RUNX2: variants seen among roughly 807,000 people sequenced by gnomAD.
RUNX2 encodes the protein runt-related transcription factor 2.
A neutral mutation model predicts 51.7 loss-of-function variants in RUNX2; 10 were observed. The observed-to-expected ratio is 0.19, with a 90% CI of 0.12 to 0.33. The LOEUF (loss-of-function observed/expected upper bound fraction) is 0.33. Ranked by LOEUF, RUNX2 falls within the 10% of genes least tolerant of loss-of-function variation. The probability of loss-of-function intolerance (pLI) is 1.00; values close to 1 mark genes in which losing one functional copy is unlikely to be tolerated. For missense variants in RUNX2, 562 were observed against 691.3 expected, an observed-to-expected ratio of 0.81 and a Z score of 2.10; for synonymous variants, 276 against 273.6, an observed-to-expected ratio of 1.01 and a Z score of -0.09.
chr6:45,531,504 C>T (rs1383226057), intron 7 of RUNX2, among the ~76,000 whole-genome samples: 1 of 152,106 alleles, frequency 6.6e-6, no homozygotes, highest in African/African-American at 2.4e-5. Flanking sequence ...CCTGTAATCC[C>T]AGCACTTTGG....
At chr6:45,495,030 C>T (rs1800604998) in intron 6 of RUNX2, among the ~76,000 whole-genome samples, 1 of 152,222 alleles carries the variant, frequency 6.6e-6, no homozygotes, top group Non-Finnish European at 1.5e-5. Flanking sequence ...TCTCTGTCTG[C>T]TGACAAGATT....
At chr6:45,509,667 G>A (rs1037483323) in intron 6 of RUNX2, among the ~76,000 whole-genome samples, 3 of 152,202 alleles carry the variant, frequency 2.0e-5, no homozygotes, top group Non-Finnish European at 4.4e-5. Flanking sequence ...GAGCTGGCAC[G>A]CCAACTCAGA....
chr6:45,484,676 C>A (rs781125801), intron 5 of RUNX2, among the ~76,000 whole-genome samples: 3 of 152,122 alleles, frequency 2.0e-5, no homozygotes, highest in African/African-American at 7.2e-5. Context: ...TGGAAACCAT[C>A]GACTGAACTC....
intron 7 of RUNX2, among the ~76,000 whole-genome samples, chr6:45,529,084 T>A (rs1281746692): frequency 1.3e-5 from 2 of 152,206 alleles, no homozygotes; most frequent in Admixed American, 1.3e-4. Context: ...TTCCTCCTCA[T>A]GAAACTCTAA....
At chr6:45,540,148 G>A (rs554374851) in intron 7 of RUNX2, among the ~76,000 whole-genome samples, 2 of 152,240 alleles carry the variant, frequency 1.3e-5, no homozygotes, top group South Asian at 2.1e-4. Flanking sequence ...GGAGCAGTGG[G>A]ATATGACTTT....
chr6:45,417,898 G>A (rs1332546911), intron 2 of RUNX2, among the ~76,000 whole-genome samples: 1 of 152,094 alleles, frequency 6.6e-6, no homozygotes, highest in Admixed American at 6.6e-5. Context: ...ACAAAAACAG[G>A]CATTAGGCCA....
At chr6:45,409,333 AACTC>A (rs1797902794) in intron 2 of RUNX2, among the ~76,000 whole-genome samples, 1 of 152,198 alleles carries the variant, frequency 6.6e-6, no homozygotes, top group Admixed American at 6.5e-5. Context: ...CTTTTTAACT[AACTC>A]ACTATAAAAC....
At chr6:45,426,300 C>T (rs141762311) in intron 3 of RUNX2, among the ~76,000 whole-genome samples, 1 of 152,286 alleles carries the variant, frequency 6.6e-6, no homozygotes, top group African/African-American at 2.4e-5. Flanking sequence ...AGGTGTATCT[C>T]ACTGAAACCT....
chr6:45,427,899 G>A (rs1798426366), intron 3 of RUNX2, among the ~76,000 whole-genome samples: 1 of 151,986 alleles, frequency 6.6e-6, no homozygotes, highest in African/African-American at 2.4e-5. Flanking sequence ...ACTTTATTTT[G>A]TGCAAGCCAC....
At chr6:45,361,867 A>G (rs1249513677) in intron 2 of RUNX2, among the ~76,000 whole-genome samples, 1 of 152,178 alleles carries the variant, frequency 6.6e-6, no homozygotes, top group Non-Finnish European at 1.5e-5. Context: ...CCTGGCCAAC[A>G]TGGTGAAACC....
intron 2 of RUNX2, among the ~76,000 whole-genome samples, chr6:45,404,952 A>C (rs1469293202): frequency 6.6e-6 from 1 of 152,254 alleles, no homozygotes; most frequent in Non-Finnish European, 1.5e-5. Context: ...GTTGAAACTT[A>C]TCCCGGTTGC....
At chr6:45,330,571 T>C (rs1033549279) in intron 2 of RUNX2, among the ~76,000 whole-genome samples, 1 of 152,020 alleles carries the variant, frequency 6.6e-6, no homozygotes, top group Non-Finnish European at 1.5e-5. Context: ...AAAGTTATCA[T>C]GAAGAATATG....
rs577013939 is a variant in RUNX2, at chr6:45,379,684, A to G, written c.59-42909A>G. Reference sequence around the variant, plus strand: ...GATCGAAACCATCCTGGCCAACATGATGAAACCCCGTCTCTACTAAAAATA... The same window carrying G: ...GATCGAAACCATCCTGGCCAACATGGTGAAACCCCGTCTCTACTAAAAATA... On this transcript the variant is annotated intron_variant, in intron 2 of 8. Coordinates refer to ENST00000647337, the MANE Select transcript of RUNX2 (RefSeq NM_001024630.4). Among the ~76,000 whole-genome samples, 8 of 152,104 alleles carry G rather than the reference A, an allele frequency of 5.3e-5. No individual in the cohort carries two copies. In the East Asian group the frequency reaches 1.4e-3, roughly 26 times the overall value.
At chr6:45,516,187 G>A (rs1454218587) in intron 7 of RUNX2, among the ~76,000 whole-genome samples, 1 of 152,060 alleles carries the variant, frequency 6.6e-6, no homozygotes, top group Admixed American at 6.6e-5. Flanking sequence ...AAATGATAAA[G>A]GTATGTTACC....
At chr6:45,433,086 C>A (rs556056203) in intron 4 of RUNX2, among the ~76,000 whole-genome samples, 64 of 152,166 alleles carry the variant, frequency 4.2e-4, no homozygotes, top group Middle Eastern at 3.4e-3. Flanking sequence ...AGGCTGTTTC[C>A]GATGAGTAGT....
chr6:45,446,046 A>T (rs1372444675), intron 5 of RUNX2, among the ~76,000 whole-genome samples: 1 of 152,204 alleles, frequency 6.6e-6, no homozygotes, highest in Admixed American at 6.5e-5. Context: ...GCCTGTTTAC[A>T]CATTCCTTCG....
intron 2 of RUNX2, among the ~76,000 whole-genome samples, chr6:45,392,824 CT>C (rs1410693448): frequency 6.6e-6 from 1 of 151,816 alleles, no homozygotes; most frequent in African/African-American, 2.4e-5. Context: ...AGTATTTCTT[CT>C]GTTGATTTCT....
intron 2 of RUNX2, among the ~76,000 whole-genome samples, chr6:45,401,147 C>T (rs1797707202): frequency 6.6e-6 from 1 of 152,206 alleles, no homozygotes; most frequent in Non-Finnish European, 1.5e-5. Context: ...ATCCTACCCT[C>T]TCTCTTAAAT....
At chr6:45,532,480 C>A (rs535949745) in intron 7 of RUNX2, among the ~76,000 whole-genome samples, 1 of 152,136 alleles carries the variant, frequency 6.6e-6, no homozygotes, top group African/African-American at 2.4e-5. Flanking sequence ...GGCCAGAACC[C>A]ACATCTCCAG....
Sources: gnomAD v4.1 joint callset for allele counts (sites outside exome capture counted in the v4.1 genomes callset) on GRCh38, gnomAD v4.1.1 for gene constraint, MANE v1.5 for transcripts, NCBI Gene and HGNC (gene_info 2026-07-23, HGNC 2026-07-21) for gene names.